The following CSMD1 variants were observed in gnomAD, a reference collection of about 807,000 sequenced individuals.
CSMD1 encodes CUB and sushi domain-containing protein 1.
A neutral mutation model predicts 417.5 loss-of-function variants in CSMD1; 213 were observed. The ratio of observed to expected loss-of-function variants is 0.51; its 90% CI spans 0.46 to 0.57. The LOEUF is 0.57. Among genes scored for constraint, CSMD1 ranks in the 20% least tolerant of loss-of-function variants. The pLI is 0.00. For missense variants in CSMD1, 6,923 were observed against 4,529.7 expected, an observed-to-expected ratio of 1.53 and a Z score of -15.17; for synonymous variants, 2,862 against 1,736.8, an observed-to-expected ratio of 1.65 and a Z score of -16.11.
intron 2 of CSMD1, among the ~76,000 whole-genome samples, chr8:4,585,014 G>C (rs1012057433): frequency 2.1e-4 from 31 of 150,746 alleles, no homozygotes; most frequent in African/African-American, 7.1e-4. Flanking sequence ...CAAATTATTT[G>C]TACAATTTTT....
At chr8:4,974,041 G>C (rs952214804) in intron 1 of CSMD1, among the ~76,000 whole-genome samples, 18 of 152,218 alleles carry the variant, frequency 1.2e-4, no homozygotes, top group African/African-American at 3.9e-4. Context: ...ATTTATTTTA[G>C]ACAGAGTCTC....
At chr8:3,227,563 G>T (rs536348589) in intron 27 of CSMD1, among the ~76,000 whole-genome samples, 1 of 152,012 alleles carries the variant, frequency 6.6e-6, no homozygotes, top group African/African-American at 2.4e-5. Flanking sequence ...CAATAATAAG[G>T]GACTAGAAAG....
At chr8:4,069,829 C>T (rs182831951) in intron 3 of CSMD1, among the ~76,000 whole-genome samples, 2 of 152,264 alleles carry the variant, frequency 1.3e-5, no homozygotes, top group Admixed American at 6.5e-5. Flanking sequence ...GAAAGAATAT[C>T]GAAATGAAGA....
At chr8:4,820,097 C>T (rs7463756) in intron 1 of CSMD1, among the ~76,000 whole-genome samples, 11 of 152,092 alleles carry the variant, frequency 7.2e-5, no homozygotes, top group African/African-American at 2.7e-4. Flanking sequence ...AGAAAGCCAC[C>T]TAAGGCAAAT....
intron 2 of CSMD1, among the ~76,000 whole-genome samples, chr8:4,557,990 C>A (rs1181664298): frequency 1.3e-5 from 2 of 152,096 alleles, no homozygotes; most frequent in South Asian, 4.1e-4. Flanking sequence ...ACTACAGTGA[C>A]CAGCTGCCTT....
intron 10 of CSMD1, among the ~76,000 whole-genome samples, chr8:3,549,202 G>C (rs553402719): frequency 6.6e-5 from 10 of 152,286 alleles, no homozygotes; most frequent in Admixed American, 5.2e-4. Flanking sequence ...CTGTTTTCTT[G>C]GTAAAGCCTC....
intron 12 of CSMD1, among the ~76,000 whole-genome samples, chr8:3,467,549 T>C (rs1303983424): frequency 1.3e-5 from 2 of 152,222 alleles, no homozygotes; most frequent in African/African-American, 4.8e-5. Flanking sequence ...TTTTTTGTCG[T>C]AGTATTTCTT....
intron 1 of CSMD1, among the ~76,000 whole-genome samples, chr8:4,671,751 G>A (rs545935085): frequency 6.6e-6 from 1 of 152,194 alleles, no homozygotes; most frequent in Non-Finnish European, 1.5e-5. Context: ...GCTTGTGTGT[G>A]TGTGCTTGCA....
Position 4,742,759 on chromosome 8 carries a change from A to C in CSMD1, c.86-105201T>G, listed in dbSNP as rs1179736260. ...AGAAAGAAAAACAAATGTATGGTCTATTAAATGCCATGTCAGAAATGCTAA... is the reference window on the plus strand; with the variant it reads ...AGAAAGAAAAACAAATGTATGGTCTCTTAAATGCCATGTCAGAAATGCTAA... On this transcript the variant is annotated intron_variant, in intron 1 of 69. Transcript: ENST00000635120. 2.6e-5 allele frequency among the ~76,000 whole-genome samples: 4 copies of C among 152,340 alleles called. No individual in the cohort carries two copies. The East Asian group carries it at 7.7e-4, about 29-fold the overall frequency.
intron 7 of CSMD1, among the ~76,000 whole-genome samples, chr8:3,643,479 G>A (rs1204015793): frequency 6.6e-6 from 1 of 152,018 alleles, no homozygotes; most frequent in Non-Finnish European, 1.5e-5. Flanking sequence ...GAGGTAGGCG[G>A]ATCACAAGGT....
chr8:3,061,469 C>CGTGGA (rs1342305702), intron 49 of CSMD1, among the ~76,000 whole-genome samples: 1 of 152,054 alleles, frequency 6.6e-6, no homozygotes, highest in Non-Finnish European at 1.5e-5. Flanking sequence ...TTCTCTGCAC[C>CGTGGA]GTGGATATCC....
At chr8:4,103,140 G>A (rs951717895) in intron 3 of CSMD1, among the ~76,000 whole-genome samples, 1 of 151,988 alleles carries the variant, frequency 6.6e-6, no homozygotes, top group East Asian at 1.9e-4. Flanking sequence ...CAGTTATTTT[G>A]CAAAGTAGCC....
Position 4,419,999 on chromosome 8 carries a change from CGT to C in CSMD1, c.367_368del (p.Thr123AspfsTer15). The C allele has an allele frequency of 6.3e-7, 1 of 1,589,356 alleles. No homozygotes were observed. The highest frequency in any genetic ancestry group is 1.8e-5 in the Admixed American group (1 of 56,912). On this transcript the variant is annotated frameshift_variant, in exon 3 of 70. Coordinates refer to ENST00000635120, the MANE Select transcript of CSMD1 (RefSeq NM_033225.6). LOFTEE classifies it high-confidence loss of function. Reference protein sequence around the residue: ...STGSILTLWFTTDFAVSAQGF... With the variant: ...STGSILTLWFXTDFAVSAQGF... ...CTTGGGCACTCACAGCGAAGTCTGT[CGT>C]GAACCACAGAGTGAGGATAGATCCT...
rs930110423 is a variant in CSMD1, at chr8:4,145,723, G to C, written c.416-113624C>G. Among the ~76,000 whole-genome samples, 14 of 150,858 alleles carry C rather than the reference G, an allele frequency of 9.3e-5. 2 individuals carry two copies. The highest frequency in any genetic ancestry group is 3.2e-4 in the African/African-American group (13 of 40,258). On this transcript the variant is annotated intron_variant, in intron 3 of 69. Coordinates refer to ENST00000635120, the MANE Select transcript of CSMD1 (RefSeq NM_033225.6). Reference sequence around the variant, plus strand: ...ATTTCTTAATGAAGAACATATATTTGACTTGTCCCAAGGAACCAAAGTCAA... The same window carrying C: ...ATTTCTTAATGAAGAACATATATTTCACTTGTCCCAAGGAACCAAAGTCAA...
At chr8:4,748,114 G>A (rs577913610) in intron 1 of CSMD1, among the ~76,000 whole-genome samples, 3 of 152,090 alleles carry the variant, frequency 2.0e-5, no homozygotes, top group African/African-American at 4.8e-5. Flanking sequence ...TTCCTTAGAA[G>A]AACAATGACA....
intron 10 of CSMD1, among the ~76,000 whole-genome samples, chr8:3,532,243 A>G (rs6981478): frequency 0.71 from 108,041 of 151,984 alleles, 38,539 homozygotes; most frequent in East Asian, 0.82. Flanking sequence ...CAAGAACTCT[A>G]GGTGTCAAGC....
chr8:3,594,186 T>G (rs1471942173), intron 8 of CSMD1, among the ~76,000 whole-genome samples: 2 of 152,198 alleles, frequency 1.3e-5, no homozygotes, highest in Admixed American at 1.3e-4. Context: ...GGCACTCATT[T>G]ACGGCCGTCC....
intron 3 of CSMD1, among the ~76,000 whole-genome samples, chr8:4,262,475 T>C (rs577335130): frequency 6.6e-4 from 100 of 152,336 alleles, no homozygotes; most frequent in African/African-American, 2.3e-3. Context: ...AGATATTATA[T>C]TTCCCTTGCT....
rs534834434 is a variant in CSMD1 at position 3,440,130 on chromosome 8, T to C, written c.1561+28582A>G. Among the ~76,000 whole-genome samples, 14 of 152,242 alleles carry C rather than the reference T, an allele frequency of 9.2e-5. 1 individual carries two copies. The highest frequency in any genetic ancestry group is 1.8e-4 in the Non-Finnish European group (12 of 68,044). On this transcript the variant is annotated intron_variant, in intron 12 of 69. Transcript: ENST00000635120. ...TTGTTCTTCAAAATTACTTTAGCTATTCCAGTTCCTCTACATTTTCATACA... is the reference window on the plus strand; with the variant it reads ...TTGTTCTTCAAAATTACTTTAGCTACTCCAGTTCCTCTACATTTTCATACA...
Sources: allele counts gnomAD v4.1 joint callset (sites outside exome capture counted in the v4.1 genomes callset), GRCh38; gene constraint gnomAD v4.1.1; transcripts MANE v1.5; gene names NCBI Gene and HGNC (gene_info 2026-07-23, HGNC 2026-07-21).